The following SMG9 variants were observed in gnomAD, a reference collection of about 807,000 sequenced individuals.
SMG9 encodes SMG9 nonsense mediated mRNA decay factor.
Under a neutral mutation model 64.0 loss-of-function variants are expected in SMG9, and 55 were observed. That is an observed-to-expected ratio of 0.86 (90% CI 0.69 to 1.08). The LOEUF is 1.08. Among genes scored for constraint, SMG9 ranks in the 50% least tolerant of loss-of-function variants. SMG9 has a pLI of 0.00. For missense variants in SMG9, 554 were observed against 681.3 expected (o/e 0.81, Z 2.08); for synonymous variants, 244 against 254.8 (o/e 0.96, Z 0.41).
chr19:43,742,427 C>A (rs1299058901), intron 6 of SMG9, among the ~76,000 whole-genome samples: 1 of 152,178 alleles, frequency 6.6e-6, no homozygotes, highest in Admixed American at 6.5e-5. Context: ...CAGAGCAAGA[C>A]CCTCGTCTCT....
At position 43,735,632 on chromosome 19, in the gene SMG9, AAAAAAAAT is replaced by A. The variant is rs1210838513; in HGVS notation, c.996-1145_996-1138del. On this transcript the variant is annotated intron_variant, in intron 9 of 13. Coordinates refer to ENST00000270066, the MANE Select transcript of SMG9 (RefSeq NM_019108.4). ...TCTGTCTCAAAAAAAAAAAAAAAAA[AAAAAAAAT>A]CTGTGTGGTTTTTTAGTGGAATTTT... 7.3e-5 allele frequency among the ~76,000 whole-genome samples: 11 copies of A among 150,050 alleles called. No homozygotes were observed. The East Asian group carries it at 1.7e-3, about 23-fold the overall frequency.
At chr19:43,745,357 GTTTTT>G (rs935846532) in intron 5 of SMG9, among the ~76,000 whole-genome samples, 3 of 151,564 alleles carry the variant, frequency 2.0e-5, no homozygotes, top group Admixed American at 6.6e-5. Context: ...CTGTGTGTGT[GTTTTT>G]TTGTTTTTTT....
Position 43,733,710 on chromosome 19 carries a change from G to C in SMG9, c.1126C>G (p.Arg376Gly). 6.2e-7 allele frequency: 1 copy of C among 1,614,112 alleles called. No individual in the cohort carries two copies. Among genetic ancestry groups the C allele is most frequent in the Non-Finnish European group, 8.5e-7 (1 of 1,180,008 alleles). Residue 376 changes from arginine (R) to glycine (G), a missense_variant, in exon 11 of 14, where the codon CGA becomes GGA. Coordinates refer to ENST00000270066, the MANE Select transcript of SMG9 (RefSeq NM_019108.4). ...AGCTTCCGAGGACAGAAGTCCTCTC[G>C]GCGAGCTTTGTTCTGCAAGAAGACT... The part of the protein sequence containing the change: ...HLVFLQNKAR[R>G]EDFCPRKLRQ...
chr19:43,753,454 TTTTC>T (rs1485884712), intron 1 of SMG9, among the ~76,000 whole-genome samples: 4 of 148,154 alleles, frequency 2.7e-5, no homozygotes, highest in Admixed American at 2.1e-4. Context: ...GTGTGAATGC[TTTTC>T]TTTTTTTTTT....
intron 13 of SMG9, chr19:43,732,153 C>A: frequency 6.2e-6 from 1 of 162,572 alleles, no homozygotes; most frequent in Non-Finnish European, 1.3e-5. Context: ...GGGCTTCCTG[C>A]TGCTTTGTCT....
chr19:43,731,528 C>T lies in SMG9; in HGVS notation c.*68G>A. 1 of 1,602,414 alleles carries T rather than the reference C, an allele frequency of 6.2e-7. No individual in the cohort carries two copies. The highest frequency in any genetic ancestry group is 8.5e-7 in the Non-Finnish European group (1 of 1,172,616). On this transcript the variant is annotated 3_prime_UTR_variant, in exon 14 of 14. Transcript: ENST00000270066. Reference sequence around the variant, plus strand: ...GCTCTCCACCCCAGCGGGGGATGGACATCTGTGCTCCCTCGCAGTACACTG... The same window carrying T: ...GCTCTCCACCCCAGCGGGGGATGGATATCTGTGCTCCCTCGCAGTACACTG...
chr19:43,750,463 T>C (rs1969159906), intron 2 of SMG9, 129 bp downstream of exon 2: 1 of 1,100,904 alleles, frequency 9.1e-7, no homozygotes, highest in Non-Finnish European at 1.3e-6. Flanking sequence ...CTCTCCACCT[T>C]CTTTATCCAT....
Position 43,730,777 on chromosome 19 carries a change from A to G in SMG9, c.*819T>C, listed in dbSNP as rs1015183551. On this transcript the variant is annotated 3_prime_UTR_variant, in exon 14 of 14. Coordinates refer to ENST00000270066, the MANE Select transcript of SMG9 (RefSeq NM_019108.4). ...GAGACAGGGTCTCACCATGTTGGCCAGGCTGGTCTCGAACTCCTGATCTCA... is the reference window on the plus strand; with the variant it reads ...GAGACAGGGTCTCACCATGTTGGCCGGGCTGGTCTCGAACTCCTGATCTCA... 2.6e-5 allele frequency: 4 copies of G among 152,224 alleles called. No homozygotes were observed. Among genetic ancestry groups the G allele is most frequent in the African/African-American group, 2.4e-5 (1 of 41,426 alleles). 9.4% of individuals were successfully genotyped at this position (152,224 alleles called of 1,614,324 possible).
chr19:43,751,402 G>A (rs1010970095), intron 1 of SMG9, among the ~76,000 whole-genome samples: 2 of 152,240 alleles, frequency 1.3e-5, no homozygotes, highest in Non-Finnish European at 2.9e-5. Flanking sequence ...CTCCCAAAGG[G>A]CTGGGATTAT....
intron 12 of SMG9, 102 bp from the exon 13 acceptor site, chr19:43,733,104 C>T (rs1318085960): frequency 4.3e-6 from 6 of 1,395,504 alleles, no homozygotes; most frequent in Admixed American, 2.5e-5. Context: ...AGTTCAGCCC[C>T]GGCTGAGCTC....
chr19:43,746,948 A>C (rs751701513), intron 5 of SMG9, among the ~76,000 whole-genome samples: 11 of 151,630 alleles, frequency 7.3e-5, no homozygotes, highest in African/African-American at 1.2e-4. Flanking sequence ...CAGCCTCCTG[A>C]GTGGCCTGGA....
chr19:43,730,527 T>C lies in SMG9; in HGVS notation c.*1069A>G, dbSNP rs754562872. On this transcript the variant is annotated 3_prime_UTR_variant, in exon 14 of 14. Coordinates refer to ENST00000270066, the MANE Select transcript of SMG9 (RefSeq NM_019108.4). ...GGATTAAGGGTAAGTACTTACTACA[T>C]TTAAGGACAAGTTCTGTTTCTTAAG... 6.6e-6 allele frequency: 1 copy of C among 152,122 alleles called. No individual in the cohort carries two copies. The highest frequency in any genetic ancestry group is 2.4e-5 in the African/African-American group (1 of 41,420). The allele number at this position is 152,122 out of a possible 1,614,324, so 9.4% of individuals were successfully genotyped here.
At position 43,740,130 on chromosome 19, in the gene SMG9, G is replaced by A. The variant is rs375910981; in HGVS notation, c.790C>T (p.Arg264Trp). 6.8e-6 allele frequency: 11 copies of A among 1,613,810 alleles called. No individual in the cohort carries two copies. The highest frequency in any genetic ancestry group is 6.7e-5 in the East Asian group (3 of 44,874). The change falls in exon 7 of 14, where the codon CGG becomes TGG. Residue 264 changes from arginine to tryptophan, a missense_variant. By Grantham distance (101) the Arg-to-Trp change is moderately radical (BLOSUM62 -3). Transcript: ENST00000270066. The part of the protein sequence containing the change: ...SGIDFFITQE[R>W]IVFLDTQPIL... Reference sequence around the variant, plus strand: ...ACCTGTGTGTCCAGGAAAACAATCCGTTCTTGGGTAATAAAGAAGTCGATG... The same window carrying A: ...ACCTGTGTGTCCAGGAAAACAATCCATTCTTGGGTAATAAAGAAGTCGATG...
intron 8 of SMG9, 122 bp from the exon 9 acceptor site, chr19:43,737,804 G>A (rs1283134891): frequency 6.5e-6 from 6 of 916,222 alleles, no homozygotes; most frequent in Non-Finnish European, 6.8e-6. Flanking sequence ...CAGCTACTGT[G>A]TGCCCAGCAC....
intron 9 of SMG9, among the ~76,000 whole-genome samples, chr19:43,736,433 C>T (rs1968668436): frequency 6.6e-6 from 1 of 152,172 alleles, no homozygotes; most frequent in Non-Finnish European, 1.5e-5. Context: ...CCAGCGGTCT[C>T]CTGGGGCCTG....
chr19:43,750,235 C>T, intron 2 of SMG9: 1 of 537,760 alleles, frequency 1.9e-6, no homozygotes, highest in South Asian at 1.4e-5. Context: ...CCTTCCTCAT[C>T]AATTGCAGCC....
rs1472203816 is a variant in SMG9 at position 43,734,497 on chromosome 19, T to C, written c.996-2A>G. 1.3e-6 allele frequency: 2 copies of C among 1,550,046 alleles called. No individual in the cohort carries two copies. Among genetic ancestry groups the C allele is most frequent in the South Asian group, 1.2e-5 (1 of 84,128 alleles). ...ACCATCTCTGCTGTCTGCAGGAACCTTGGGGTTTGGGGTGAGTGGCTGTTG... is the reference window on the plus strand; with the variant it reads ...ACCATCTCTGCTGTCTGCAGGAACCCTGGGGTTTGGGGTGAGTGGCTGTTG... On this transcript the variant is annotated splice_acceptor_variant, in intron 9 of 13. Coordinates refer to ENST00000270066, the MANE Select transcript of SMG9 (RefSeq NM_019108.4). LOFTEE classifies it high-confidence loss of function.
chr19:43,731,051 CAG>C lies in SMG9; in HGVS notation c.*543_*544del. ...ATAACCCCTTCTAGGGACTTCTTAGCAGAGACTGATCTCCATCTGCCCGCAAG... is the reference window on the plus strand; with the variant it reads ...ATAACCCCTTCTAGGGACTTCTTAGCAGACTGATCTCCATCTGCCCGCAAG... On this transcript the variant is annotated 3_prime_UTR_variant, in exon 14 of 14. Transcript: ENST00000270066. 1 of 916,254 alleles carries C rather than the reference CAG, an allele frequency of 1.1e-6. No homozygotes were observed. The allele number at this position is 916,254 out of a possible 1,614,324, so 56.8% of individuals were successfully genotyped here.
chr19:43,735,699 T>C (rs1289579621), intron 9 of SMG9, among the ~76,000 whole-genome samples: 2 of 151,140 alleles, frequency 1.3e-5, no homozygotes, highest in Non-Finnish European at 2.9e-5. Flanking sequence ...TTTTTTACAA[T>C]AGGTTAAGAG....
Sources: gnomAD v4.1 joint callset for allele counts (sites outside exome capture counted in the v4.1 genomes callset) on GRCh38, gnomAD v4.1.1 for gene constraint, MANE v1.5 for transcripts, NCBI Gene and HGNC (gene_info 2026-07-23, HGNC 2026-07-21) for gene names.